Variants in ANO5 observed in about 807,000 individuals in gnomAD.
The protein encoded by ANO5 is anoctamin-5.
In ANO5, 109 loss-of-function variants were observed where a neutral mutation model predicts 121.0. That is an observed-to-expected ratio of 0.90 (90% CI 0.77 to 1.06). ANO5 has a LOEUF of 1.06. Among genes scored for constraint, ANO5 ranks in the 50% least tolerant of loss-of-function variants. The pLI, the probability that ANO5 is intolerant of heterozygous loss-of-function variation, is 0.00. For synonymous variants in ANO5, 406 were observed against 359.9 expected (o/e 1.13, Z -1.45); for missense variants, 1,064 against 1,078.5 (o/e 0.99, Z 0.19).
intron 1 of ANO5, among the ~76,000 whole-genome samples, chr11:22,202,617 T>C (rs1171288346): frequency 1.3e-5 from 2 of 152,166 alleles, no homozygotes; most frequent in Non-Finnish European, 2.9e-5. Context: ...TAATGCCATC[T>C]TCTTACTGTG....
At position 22,280,869 on chromosome 11, in the gene ANO5, T is replaced by C. The variant is rs890787048; in HGVS notation, c.*1104T>C. On this transcript the variant is annotated 3_prime_UTR_variant, in exon 22 of 22. Coordinates refer to ENST00000324559, the MANE Select transcript of ANO5 (RefSeq NM_213599.3). ...AGTGATTTGATGTGATGTAACATCT[T>C]AAATGTAAGCTTGTCTTAATGAAAT... 1 of 152,020 alleles carries C rather than the reference T, an allele frequency of 6.6e-6. No homozygotes were observed. The highest frequency in any genetic ancestry group is 1.5e-5 in the Non-Finnish European group (1 of 67,882). The allele number at this position is 152,020 out of a possible 1,614,324, so 9.4% of individuals were successfully genotyped here. A position where few individuals can be genotyped will look rare whatever the true frequency, so the allele number is the denominator to read the frequency against.
At chr11:22,262,540 C>T (rs772677142) in intron 16 of ANO5, among the ~76,000 whole-genome samples, 10 of 152,250 alleles carry the variant, frequency 6.6e-5, no homozygotes, top group Admixed American at 4.6e-4. Context: ...TATAAAATGA[C>T]ATAAGTTCTT....
At chr11:22,198,748 T>C (rs2133497187) in intron 1 of ANO5, among the ~76,000 whole-genome samples, 1 of 152,294 alleles carries the variant, frequency 6.6e-6, no homozygotes, top group Non-Finnish European at 1.5e-5. Context: ...ATAGTGACTG[T>C]TTTTGTCCTT....
intron 19 of ANO5, among the ~76,000 whole-genome samples, chr11:22,273,767 T>C (rs1486514003): frequency 6.6e-6 from 1 of 151,436 alleles, no homozygotes; most frequent in Non-Finnish European, 1.5e-5. Flanking sequence ...AAAGACAAAG[T>C]AAGTAAAACT....
chr11:22,238,514 TA>T (rs1853314633), intron 8 of ANO5, among the ~76,000 whole-genome samples: 1 of 151,984 alleles, frequency 6.6e-6, no homozygotes, highest in Non-Finnish European at 1.5e-5. Context: ...AATCTTTCTT[TA>T]CTTCTGAATG....
intron 1 of ANO5, among the ~76,000 whole-genome samples, chr11:22,200,239 G>A (rs925976389): frequency 1.3e-5 from 2 of 152,072 alleles, no homozygotes; most frequent in Non-Finnish European, 2.9e-5. Flanking sequence ...AATACTGTCA[G>A]GTGTTTTCCA....
chr11:22,274,696 A>G lies in ANO5; in HGVS notation c.2363A>G (p.Asp788Gly). The G allele has an allele frequency of 1.2e-6, 2 of 1,613,544 alleles. No homozygotes were observed. The highest frequency in any genetic ancestry group is 8.5e-7 in the Non-Finnish European group (1 of 1,179,648). ...AGCCTGTCAGTATTCCTGATAGCTG[A>G]TTTTCCAAACCACACTGCACCTTCG... ...NNSLSVFLIADFPNHTAPSEK... is the reference protein window; with the variant it reads ...NNSLSVFLIAGFPNHTAPSEK... Residue 788 changes from aspartate (D) to glycine (G), a missense_variant, in exon 20 of 22, where the codon GAT (aspartate) becomes GGT (glycine). By Grantham distance (94) the Asp-to-Gly change is moderately conservative (BLOSUM62 -1). Coordinates refer to ENST00000324559, the MANE Select transcript of ANO5 (RefSeq NM_213599.3).
At chr11:22,199,041 C>G (rs1303118993) in intron 1 of ANO5, among the ~76,000 whole-genome samples, 1 of 152,074 alleles carries the variant, frequency 6.6e-6, no homozygotes, top group Non-Finnish European at 1.5e-5. Flanking sequence ...CATGAGAAAG[C>G]CTGCACTCAG....
chr11:22,192,527 G>C (rs1294888274), upstream of ANO5, among the ~76,000 whole-genome samples: 3 of 152,112 alleles, frequency 2.0e-5, no homozygotes, highest in Middle Eastern at 3.2e-3. Context: ...TTGGAGTCTC[G>C]GGCCATGAGC....
chr11:22,269,386 AAAGG>A (rs201613923), intron 17 of ANO5, among the ~76,000 whole-genome samples: 30 of 144,064 alleles, frequency 2.1e-4, no homozygotes, highest in South Asian at 1.1e-3. Context: ...AGGAAAGAAG[AAAGG>A]AAGGAAGGAA....
At chr11:22,193,058 A>G (rs1590201906), upstream of ANO5, 1 of 1,022,082 alleles carries the variant, frequency 9.8e-7, no homozygotes, top group South Asian at 3.6e-5. Context: ...AGCGAAGGGG[A>G]AAGGAAAGCT....
chr11:22,280,489 T>C lies in ANO5; in HGVS notation c.*724T>C, dbSNP rs1181329875. ...TGATCTTATCTGGAAAGCAACATTA[T>C]GAAGCTGTTAGATTGCTTCAGGTTC... On this transcript the variant is annotated 3_prime_UTR_variant, in exon 22 of 22. Transcript: ENST00000324559. 6.6e-6 allele frequency: 1 copy of C among 151,970 alleles called. No homozygotes were observed. The highest frequency in any genetic ancestry group is 6.6e-5 in the Admixed American group (1 of 15,236). 9.4% of individuals were successfully genotyped at this position (151,970 alleles called of 1,614,324 possible). A position where few individuals can be genotyped will look rare whatever the true frequency, so the allele number is the denominator to read the frequency against.
Position 22,281,811 on chromosome 11 carries a change from G to A in ANO5, c.*2046G>A, listed in dbSNP as rs893020190. ...TAAAATATACCAACTAAATTATTGG[G>A]TTTCTGGAAGTGAATGGAGAAAACA... is the stretch of plus-strand genomic sequence containing the variant. On this transcript the variant is annotated 3_prime_UTR_variant, in exon 22 of 22. Transcript: ENST00000324559. 2 of 152,022 alleles carry A rather than the reference G, an allele frequency of 1.3e-5. No individual in the cohort carries two copies. The highest frequency in any genetic ancestry group is 2.9e-5 in the Non-Finnish European group (2 of 67,942). 9.4% of individuals were successfully genotyped at this position (152,022 alleles called of 1,614,324 possible). A position where few individuals can be genotyped will look rare whatever the true frequency, so the allele number is the denominator to read the frequency against.
intron 13 of ANO5, 71 bp from the exon 14 acceptor site, chr11:22,257,609 T>C (rs1590296351): frequency 3.2e-6 from 4 of 1,262,410 alleles, no homozygotes; most frequent in East Asian, 4.7e-5. Context: ...CTCTGTGATA[T>C]TGACTAGTGC....
chr11:22,249,661 A>G (rs954585296), intron 9 of ANO5, among the ~76,000 whole-genome samples: 1 of 152,142 alleles, frequency 6.6e-6, no homozygotes, highest in Non-Finnish European at 1.5e-5. Flanking sequence ...TGCATATTTC[A>G]TAGAATTTTT....
At chr11:22,242,660 AT>A (rs1324232319) in intron 9 of ANO5, among the ~76,000 whole-genome samples, 1 of 152,022 alleles carries the variant, frequency 6.6e-6, no homozygotes, top group Non-Finnish European at 1.5e-5. Flanking sequence ...GCTATTGAAA[AT>A]GGGATTGTGT....
intron 3 of ANO5, among the ~76,000 whole-genome samples, chr11:22,215,833 T>G (rs1852424700): frequency 6.6e-6 from 1 of 151,886 alleles, no homozygotes; most frequent in South Asian, 2.1e-4. Flanking sequence ...CCTACCATAT[T>G]CTAGCAACCG....
chr11:22,229,147 C>T (rs748977724), intron 7 of ANO5, among the ~76,000 whole-genome samples: 5 of 151,826 alleles, frequency 3.3e-5, no homozygotes, highest in Non-Finnish European at 1.5e-5. Context: ...TCCTCTCCAA[C>T]GTCCTCTCCA....
intron 4 of ANO5, among the ~76,000 whole-genome samples, 161 bp downstream of exon 4, chr11:22,218,448 T>C (rs1382645877): frequency 6.6e-6 from 1 of 152,116 alleles, no homozygotes; most frequent in Non-Finnish European, 1.5e-5. Flanking sequence ...TAATTTGTTC[T>C]GGATTTGGAT....
Sources: gnomAD v4.1 joint callset for allele counts (sites outside exome capture counted in the v4.1 genomes callset) on GRCh38, gnomAD v4.1.1 for gene constraint, MANE v1.5 for transcripts, NCBI Gene and HGNC (gene_info 2026-07-23, HGNC 2026-07-21) for gene names.